Variants in PHIP observed in about 807,000 individuals in gnomAD.
PHIP encodes the protein PHIP subunit of CUL4-Ring ligase complex.
PHIP carries 54 observed loss-of-function variants against 236.8 expected under a neutral mutation model. That is an observed-to-expected ratio of 0.23 (90% CI 0.18 to 0.29). The LOEUF (loss-of-function observed/expected upper bound fraction) is 0.29. Among genes scored for constraint, PHIP ranks in the 10% least tolerant of loss-of-function variants. The pLI, the probability that PHIP is intolerant of heterozygous loss-of-function variation, is 1.00. For synonymous variants in PHIP, 756 were observed against 718.9 expected (o/e 1.05, Z -0.83); for missense variants, 1,370 against 2,190.8 (o/e 0.63, Z 7.48).
rs1767036817 is a variant in PHIP at position 78,964,938 on chromosome 6, T to C, written c.3379+765A>G. Reference sequence around the variant, plus strand: ...TTTTTGGCTTATGCAATTGTGCATGTGTGTTGTATTTTTTACAAACAAACA... The same window carrying C: ...TTTTTGGCTTATGCAATTGTGCATGCGTGTTGTATTTTTTACAAACAAACA... On this transcript the variant is annotated intron_variant, in intron 29 of 39. Coordinates refer to ENST00000275034, the MANE Select transcript of PHIP (RefSeq NM_017934.7). 2.0e-5 allele frequency among the ~76,000 whole-genome samples: 3 copies of C among 152,364 alleles called. No individual in the cohort carries two copies. In the South Asian group the frequency reaches 6.2e-4, roughly 32 times the overall value.
Position 79,003,605 on chromosome 6 carries a change from C to T in PHIP, c.1653+125G>A, listed in dbSNP as rs1051645060. The T allele has an allele frequency of 4.8e-5, 30 of 621,454 alleles. No homozygotes were observed. The East Asian group carries it at 7.4e-4, about 15-fold the overall frequency. 38.5% of individuals were successfully genotyped at this position (621,454 alleles called of 1,614,324 possible). A position where few individuals can be genotyped will look rare whatever the true frequency, so the allele number is the denominator to read the frequency against. On this transcript the variant is annotated intron_variant, in intron 16 of 39. Coordinates refer to ENST00000275034, the MANE Select transcript of PHIP (RefSeq NM_017934.7). Reference sequence around the variant, plus strand: ...GAAACTAAGTCTCCAGACTACTTAACACAAGATTCTTCGAATTTTATCCTG... The same window carrying T: ...GAAACTAAGTCTCCAGACTACTTAATACAAGATTCTTCGAATTTTATCCTG...
At chr6:78,941,732 A>G (rs559329563) in intron 39 of PHIP, among the ~76,000 whole-genome samples, 2 of 152,288 alleles carry the variant, frequency 1.3e-5, no homozygotes, top group East Asian at 1.9e-4. Context: ...CAGGCTTTGA[A>G]AAGTCCTATC....
chr6:78,942,349 G>A (rs999641807), intron 39 of PHIP, among the ~76,000 whole-genome samples: 6 of 152,162 alleles, frequency 3.9e-5, no homozygotes, highest in Non-Finnish European at 7.3e-5. Context: ...TGGGCGTGGT[G>A]GTGGGTGCCT....
chr6:78,937,059 T>TCC lies in PHIP; in HGVS notation c.*3632_*3633dup, dbSNP rs1439933687. 2 of 151,738 alleles carry TCC rather than the reference T, an allele frequency of 1.3e-5. No individual in the cohort carries two copies. Among genetic ancestry groups the TCC allele is most frequent in the Non-Finnish European group, 3.0e-5 (2 of 67,702 alleles). 9.4% of individuals were successfully genotyped at this position (151,738 alleles called of 1,614,324 possible). On this transcript the variant is annotated 3_prime_UTR_variant, in exon 40 of 40. Coordinates refer to ENST00000275034, the MANE Select transcript of PHIP (RefSeq NM_017934.7). ...GGAGTAATCAGATGATAAAACTACT[T>TCC]CCCCTATTATGACTTTTAAAATCAT...
chr6:78,994,533 C>T (rs779625677), intron 19 of PHIP, among the ~76,000 whole-genome samples: 4 of 152,092 alleles, frequency 2.6e-5, no homozygotes, highest in South Asian at 2.1e-4. Flanking sequence ...GCCGAGATCA[C>T]GCCACTGCAC....
intron 29 of PHIP, 88 bp downstream of exon 29, chr6:78,965,615 G>GT (rs1767077127): frequency 4.0e-6 from 3 of 749,102 alleles, no homozygotes; most frequent in Non-Finnish European, 2.3e-6. Flanking sequence ...ACTCACAACT[G>GT]TAAGTGGTAG....
At chr6:79,030,031 A>G (rs1771593609) in intron 7 of PHIP, among the ~76,000 whole-genome samples, 1 of 152,194 alleles carries the variant, frequency 6.6e-6, no homozygotes, top group Non-Finnish European at 1.5e-5. Flanking sequence ...CAAGTTATGG[A>G]TATTAAAAAT....
chr6:78,985,431 A>G lies in PHIP; in HGVS notation c.2461-3T>C, dbSNP rs1328165744. On this transcript the variant is annotated splice_polypyrimidine_tract_variant and splice_region_variant and intron_variant, in intron 21 of 39. Coordinates refer to ENST00000275034, the MANE Select transcript of PHIP (RefSeq NM_017934.7). ...CTGACAGCAACTACTTCGCCTTCCT[A>G]AGATATGTTGAATACATGTCTTATT... The G allele has an allele frequency of 1.3e-6, 2 of 1,519,638 alleles. No individual in the cohort carries two copies. The highest frequency in any genetic ancestry group is 2.7e-5 in the African/African-American group (2 of 73,032). 94.1% of individuals were successfully genotyped at this position (1,519,638 alleles called of 1,614,324 possible).
At chr6:79,007,654 CT>C (rs35415106) in intron 15 of PHIP, among the ~76,000 whole-genome samples, 13,539 of 116,562 alleles carry the variant, frequency 0.12, 758 homozygotes, top group African/African-American at 0.17. Flanking sequence ...ATGTCTTGTT[CT>C]TTTTTTTTTT....
chr6:78,945,326 G>C lies in PHIP; in HGVS notation c.4802C>G (p.Ser1601Ter), dbSNP rs1189684322. 1 of 1,612,922 alleles carries C rather than the reference G, an allele frequency of 6.2e-7. No homozygotes were observed. Among genetic ancestry groups the C allele is most frequent in the Non-Finnish European group, 8.5e-7 (1 of 1,178,936 alleles). The change falls in exon 39 of 40, where the codon TCA (serine) becomes TGA (stop). Residue 1601 changes from serine to a stop codon, truncating the protein, a stop_gained. Coordinates refer to ENST00000275034, the MANE Select transcript of PHIP (RefSeq NM_017934.7). LOFTEE classifies it high-confidence loss of function. ...SSVLPKASTL[S>*]KSSAVIEQGD... ...TTGCTCAATGACAGCTGATGACTTT[G>C]AAAGAGTGGACGCCTTTGGGAGTAC...
chr6:79,002,172 A>G (rs776390738), intron 16 of PHIP, 48 bp from the exon 17 acceptor site: 1 of 1,327,614 alleles, frequency 7.5e-7, no homozygotes, highest in Non-Finnish European at 1.1e-6. Flanking sequence ...AAAATGTATC[A>G]TTGTAGAAAA....
intron 7 of PHIP, among the ~76,000 whole-genome samples, chr6:79,032,739 A>C (rs1183958470): frequency 6.6e-6 from 1 of 150,546 alleles, no homozygotes; most frequent in Non-Finnish European, 1.5e-5. Context: ...TGACATTCTG[A>C]CCTCCTCCCA....
rs1773338118 is a variant in PHIP at position 78,938,007 on chromosome 6, G to A, written c.*2686C>T. On this transcript the variant is annotated 3_prime_UTR_variant, in exon 40 of 40. Coordinates refer to ENST00000275034, the MANE Select transcript of PHIP (RefSeq NM_017934.7). ...AGACAACTGCCAATATTTCTTTCTG[G>A]CCTATTAACAGTACATACATAGTGT... The A allele has an allele frequency of 6.6e-6, 1 of 151,518 alleles. No homozygotes were observed. The highest frequency in any genetic ancestry group is 2.1e-4 in the South Asian group (1 of 4,824). 9.4% of individuals were successfully genotyped at this position (151,518 alleles called of 1,614,324 possible). A position where few individuals can be genotyped will look rare whatever the true frequency, so the allele number is the denominator to read the frequency against.
chr6:79,060,954 A>G, intron 4 of PHIP, 136 bp from the exon 5 acceptor site: 1 of 547,188 alleles, frequency 1.8e-6, no homozygotes, highest in Non-Finnish European at 3.1e-6. Flanking sequence ...AATCTCCAGA[A>G]TAATTAAGAA....
chr6:79,000,020 C>T (rs979546287), intron 17 of PHIP, among the ~76,000 whole-genome samples: 4 of 151,936 alleles, frequency 2.6e-5, no homozygotes, highest in African/African-American at 9.7e-5. Flanking sequence ...GCCAATACAA[C>T]AAGCTAATTT....
chr6:79,071,524 T>G (rs1412940301), intron 4 of PHIP, among the ~76,000 whole-genome samples: 1 of 152,194 alleles, frequency 6.6e-6, no homozygotes, highest in African/African-American at 2.4e-5. Context: ...ATTCCTATAA[T>G]AGCCTTTGCC....
In PHIP at chr6:78,958,477, T is replaced by G; in HGVS notation, c.3780A>C (p.Ile1260=). 6.7e-7 allele frequency: 1 copy of G among 1,499,410 alleles called. No homozygotes were observed. Among genetic ancestry groups the G allele is most frequent in the Non-Finnish European group, 9.3e-7 (1 of 1,079,550 alleles). The allele number at this position is 1,499,410 out of a possible 1,614,324, so 92.9% of individuals were successfully genotyped here. Residue 1260 remains isoleucine, a splice_region_variant and synonymous_variant, in exon 32 of 40, where the codon ATA becomes ATC. Coordinates refer to ENST00000275034, the MANE Select transcript of PHIP (RefSeq NM_017934.7). ...TTACATATGAAAAGATAACTTACTT[T>G]ATAAAATGTAGAAGAAGATCAGTCA... ...KFVTDLLLHF[I]KDQTCYNIIP... is the part of the protein sequence containing the mutation.
Position 78,935,456 on chromosome 6 carries a change from C to T in PHIP, c.*5237G>A, listed in dbSNP as rs894919237. On this transcript the variant is annotated 3_prime_UTR_variant, in exon 40 of 40. Transcript: ENST00000275034. The stretch of plus-strand genomic sequence containing the variant: ...ACCTTCTTTCCATCATTCCTTTTTT[C>T]CCAGAAATTGCACATTTTTGAGAAA... 1.0e-6 allele frequency: 1 copy of T among 963,236 alleles called. No individual in the cohort carries two copies. Among genetic ancestry groups the T allele is most frequent in the African/African-American group, 1.8e-5 (1 of 56,800 alleles). The allele number at this position is 963,236 out of a possible 1,614,324, so 59.7% of individuals were successfully genotyped here. A position where few individuals can be genotyped will look rare whatever the true frequency, so the allele number is the denominator to read the frequency against.
chr6:79,025,899 TAACAAC>T (rs199694542), intron 8 of PHIP, 38 bp downstream of exon 8: 6 of 1,340,812 alleles, frequency 4.5e-6, no homozygotes, highest in South Asian at 1.2e-5. Flanking sequence ...CTTTACATTA[TAACAAC>T]AACAACAACA....
Sources: gnomAD v4.1 joint callset for allele counts (sites outside exome capture counted in the v4.1 genomes callset) on GRCh38, gnomAD v4.1.1 for gene constraint, MANE v1.5 for transcripts, NCBI Gene and HGNC (gene_info 2026-07-23, HGNC 2026-07-21) for gene names.